The following HHIP variants were observed in gnomAD, a reference collection of about 807,000 sequenced individuals.
HHIP encodes hedgehog interacting protein, also known as hedgehog-interacting protein.
A neutral mutation model predicts 74.0 loss-of-function variants in HHIP; 12 were observed. The ratio of observed to expected loss-of-function variants is 0.16; its 90% CI spans 0.10 to 0.26. The LOEUF (loss-of-function observed/expected upper bound fraction) is 0.26. Ranked by LOEUF, HHIP falls within the 10% of genes least tolerant of loss-of-function variation. The probability of loss-of-function intolerance (pLI) is 1.00; values close to 1 mark genes in which losing one functional copy is unlikely to be tolerated. For missense variants in HHIP, 788 were observed against 845.0 expected (o/e 0.93, Z 0.84); for synonymous variants, 309 against 311.6 (o/e 0.99, Z 0.09).
At chr4:144,708,354 C>G (rs200281139) in intron 7 of HHIP, 43 bp downstream of exon 7, 5 of 1,604,358 alleles carry the variant, frequency 3.1e-6, no homozygotes, top group Non-Finnish European at 4.3e-6. Context: ...TTAAGCCAGG[C>G]GGGGATCCGA....
intron 7 of HHIP, 58 bp downstream of exon 7, chr4:144,708,369 T>C (rs542470429): frequency 2.5e-6 from 4 of 1,569,136 alleles, no homozygotes; most frequent in Non-Finnish European, 3.5e-6. Context: ...ATCCGAGAAC[T>C]GGGAAAATAT....
At chr4:144,658,345 T>C (rs1728604161) in intron 2 of HHIP, among the ~76,000 whole-genome samples, 1 of 147,662 alleles carries the variant, frequency 6.8e-6, no homozygotes, top group Non-Finnish European at 1.5e-5. Flanking sequence ...TCATTCTTTT[T>C]ATTTAGTATT....
chr4:144,696,514 A>AAAACT (rs1461434853), intron 4 of HHIP, among the ~76,000 whole-genome samples: 1 of 151,932 alleles, frequency 6.6e-6, no homozygotes, highest in African/African-American at 2.4e-5. Flanking sequence ...AAACTGCCTC[A>AAAACT]GTTCATGAAC....
chr4:144,711,885 A>G, intron 7 of HHIP, 65 bp from the exon 8 acceptor site: 3 of 1,518,250 alleles, frequency 2.0e-6, no homozygotes, highest in Non-Finnish European at 2.7e-6. Context: ...TATGTCAGGA[A>G]TCTCCAGTCT....
Position 144,712,559 on chromosome 4 carries a change from C to T in HHIP, c.1423+488C>T, listed in dbSNP as rs552174692. 2.0e-5 allele frequency among the ~76,000 whole-genome samples: 3 copies of T among 152,162 alleles called. No individual in the cohort carries two copies. In the East Asian group the frequency reaches 5.8e-4, roughly 29 times the overall value. On this transcript the variant is annotated intron_variant, in intron 8 of 12. Coordinates refer to ENST00000296575, the MANE Select transcript of HHIP (RefSeq NM_022475.3). ...ATCTTAGAGAAAACAAAGTAATCAA[C>T]TTGAAAAACAAGTCATGGGAATGGG... is the stretch of plus-strand genomic sequence containing the variant.
chr4:144,704,989 G>A (rs1048719777), intron 4 of HHIP, among the ~76,000 whole-genome samples: 1 of 152,034 alleles, frequency 6.6e-6, no homozygotes. Flanking sequence ...TTCATATATC[G>A]GTCATTAGAG....
chr4:144,662,063 A>G (rs1006080380), intron 4 of HHIP, among the ~76,000 whole-genome samples: 5 of 152,224 alleles, frequency 3.3e-5, no homozygotes, highest in African/African-American at 1.2e-4. Context: ...ACTAAGAGGA[A>G]TATGTTAAGT....
intron 11 of HHIP, among the ~76,000 whole-genome samples, chr4:144,724,684 A>ATATATATATGTGTATATATATATATT (rs1730745344): frequency 1.1e-5 from 1 of 94,628 alleles, no homozygotes; most frequent in African/African-American, 3.3e-5. Context: ...ATATATATTT[A>ATATATATATGTGTATATATATATATT]TATATATATA....
At chr4:144,651,340 G>A (rs920057882) in intron 1 of HHIP, among the ~76,000 whole-genome samples, 9 of 151,812 alleles carry the variant, frequency 5.9e-5, no homozygotes, top group African/African-American at 1.9e-4. Flanking sequence ...ACTTCTATTG[G>A]ACTTGCTGCA....
intron 11 of HHIP, among the ~76,000 whole-genome samples, chr4:144,725,254 C>T (rs1354431231): frequency 6.6e-6 from 1 of 152,084 alleles, no homozygotes; most frequent in African/African-American, 2.4e-5. Flanking sequence ...TGCATCTTAG[C>T]ATCATTTTGT....
At chr4:144,706,435 C>A in intron 4 of HHIP, 96 bp from the exon 5 acceptor site, 2 of 1,034,586 alleles carry the variant, frequency 1.9e-6, no homozygotes, top group Non-Finnish European at 2.7e-6. Context: ...AAAGATTATC[C>A]AAAAGAAAGA....
intron 4 of HHIP, among the ~76,000 whole-genome samples, chr4:144,681,421 C>A (rs1219217314): frequency 9.9e-6 from 1 of 101,418 alleles, no homozygotes; most frequent in Non-Finnish European, 2.0e-5. Flanking sequence ...TTGCAGAGTT[C>A]TTTTTTTTTT....
chr4:144,663,073 G>A (rs998838384), intron 4 of HHIP, among the ~76,000 whole-genome samples: 13 of 152,154 alleles, frequency 8.5e-5, no homozygotes, highest in African/African-American at 3.1e-4. Flanking sequence ...ATTACTTGAA[G>A]TCAGAAGTTC....
chr4:144,705,441 G>A (rs143401518), intron 4 of HHIP, among the ~76,000 whole-genome samples: 77 of 152,102 alleles, frequency 5.1e-4, no homozygotes, highest in African/African-American at 1.7e-3. Flanking sequence ...ACGCTATGTC[G>A]TGATGTTTAA....
At chr4:144,718,521 G>A (rs1437089720) in intron 10 of HHIP, among the ~76,000 whole-genome samples, 2 of 152,300 alleles carry the variant, frequency 1.3e-5, no homozygotes, top group African/African-American at 4.8e-5. Context: ...GTGATCCAAC[G>A]TACATGATCT....
At chr4:144,685,993 C>T (rs908823430) in intron 4 of HHIP, among the ~76,000 whole-genome samples, 6 of 152,130 alleles carry the variant, frequency 3.9e-5, no homozygotes, top group Non-Finnish European at 8.8e-5. Flanking sequence ...CTTGGGTGGT[C>T]GAATGAGGCA....
chr4:144,654,256 G>A (rs567855748), intron 2 of HHIP, among the ~76,000 whole-genome samples: 53 of 152,264 alleles, frequency 3.5e-4, no homozygotes, highest in Middle Eastern at 6.8e-3. Context: ...CTCAGAGCCA[G>A]AACTGCAAGC....
At chr4:144,694,458 A>T (rs1457984829) in intron 4 of HHIP, among the ~76,000 whole-genome samples, 1 of 151,846 alleles carries the variant, frequency 6.6e-6, no homozygotes, top group Non-Finnish European at 1.5e-5. Context: ...GGCTAAGAGT[A>T]GTGAAACATG....
rs1729519470 is a variant in HHIP at position 144,687,314 on chromosome 4, T to C, written c.832-19217T>C. Among the ~76,000 whole-genome samples the C allele has an allele frequency of 2.6e-5, 4 of 152,194 alleles. No individual in the cohort carries two copies. The South Asian group carries it at 8.3e-4, about 31-fold the overall frequency. On this transcript the variant is annotated intron_variant, in intron 4 of 12. Transcript: ENST00000296575. Reference sequence around the variant, plus strand: ...GGAGTGACTCGGGGAAAAGTGTGATTCCACAGATGGTGCTACTCAGACAAA... The same window carrying C: ...GGAGTGACTCGGGGAAAAGTGTGATCCCACAGATGGTGCTACTCAGACAAA...
Sources: allele counts gnomAD v4.1 joint callset (sites outside exome capture counted in the v4.1 genomes callset), GRCh38; gene constraint gnomAD v4.1.1; transcripts MANE v1.5; gene names NCBI Gene and HGNC (gene_info 2026-07-23, HGNC 2026-07-21).